The following DNAH7 variants were observed in gnomAD, a reference collection of about 807,000 sequenced individuals.
The protein encoded by DNAH7 is axonemal beta dynein heavy chain 7.
Under a neutral mutation model 444.6 loss-of-function variants are expected in DNAH7, and 397 were observed. The observed-to-expected ratio is 0.89, with a 90% CI of 0.82 to 0.97. DNAH7 has a LOEUF of 0.97. DNAH7 is among the 50% of genes least tolerant of loss of function. DNAH7 has a pLI of 0.00. For synonymous variants in DNAH7, 1,636 were observed against 1,624.4 expected (o/e 1.01, Z -0.17); for missense variants, 4,902 against 4,800.8 (o/e 1.02, Z -0.62).
At chr2:195,778,629 A>AAAT (rs1553518190) in intron 58 of DNAH7, among the ~76,000 whole-genome samples, 11 of 53,292 alleles carry the variant, frequency 2.1e-4, no homozygotes, top group East Asian at 7.5e-4. Context: ...AAAAAAAAAA[A>AAAT]AAATAAATAA....
intron 48 of DNAH7, among the ~76,000 whole-genome samples, chr2:195,826,130 G>A (rs2124923679): frequency 6.6e-6 from 1 of 152,136 alleles, no homozygotes; most frequent in South Asian, 2.1e-4. Context: ...ATGAACCTTT[G>A]TGTTCATCTC....
intron 63 of DNAH7, among the ~76,000 whole-genome samples, chr2:195,749,618 G>A (rs1247283300): frequency 2.6e-5 from 4 of 151,178 alleles, no homozygotes; most frequent in Non-Finnish European, 5.9e-5. Flanking sequence ...TTAAGAAAAT[G>A]TGGCACATAT....
rs887392219 is a variant in DNAH7, at chr2:196,016,607, T to C, written c.869+2563A>G. ...AGTCAGCAGAGGCCCCTGAAGTATGTAGAAGGTCAGAATATGTGTTAGAAA... is the reference window on the plus strand; with the variant it reads ...AGTCAGCAGAGGCCCCTGAAGTATGCAGAAGGTCAGAATATGTGTTAGAAA... On this transcript the variant is annotated intron_variant, in intron 9 of 64. Transcript: ENST00000312428. Among the ~76,000 whole-genome samples the C allele has an allele frequency of 3.9e-5, 6 of 152,168 alleles. No homozygotes were observed. The East Asian group carries it at 5.8e-4, about 15-fold the overall frequency.
intron 36 of DNAH7, among the ~76,000 whole-genome samples, 187 bp downstream of exon 36, chr2:195,881,608 T>C (rs941554478): frequency 2.6e-5 from 4 of 152,052 alleles, no homozygotes; most frequent in East Asian, 3.9e-4. Flanking sequence ...TGAAAATAAA[T>C]AGGCAATTAT....
intron 47 of DNAH7, among the ~76,000 whole-genome samples, chr2:195,837,585 T>C (rs1248321238): frequency 6.6e-6 from 1 of 152,068 alleles, no homozygotes; most frequent in Non-Finnish European, 1.5e-5. Flanking sequence ...TAACTCAAAA[T>C]AAGTAACTGA....
intron 23 of DNAH7, among the ~76,000 whole-genome samples, chr2:195,922,908 C>G (rs1688111122): frequency 6.6e-6 from 1 of 151,880 alleles, no homozygotes; most frequent in Admixed American, 6.6e-5. Flanking sequence ...GTCACCCAGG[C>G]TGGAGTGCAG....
intron 24 of DNAH7, among the ~76,000 whole-genome samples, chr2:195,912,026 T>C (rs1437645145): frequency 6.6e-6 from 1 of 152,220 alleles, no homozygotes; most frequent in African/African-American, 2.4e-5. Flanking sequence ...CTGAGAACAA[T>C]AAATACCATC....
rs200854477 is a variant in DNAH7 at position 195,900,282 on chromosome 2, C to T, written c.4548G>A (p.Lys1516=). 1.3e-5 allele frequency: 21 copies of T among 1,613,700 alleles called. No individual in the cohort carries two copies. The African/African-American group carries it at 2.8e-4, about 22-fold the overall frequency. Reference sequence around the variant, plus strand: ...AAGTAAGAAATATTGTGTTCTCTACCTTCAGATTCCCAGCAGCAGTAAGAA... The same window carrying T: ...AAGTAAGAAATATTGTGTTCTCTACTTTCAGATTCCCAGCAGCAGTAAGAA... ...KSVLTAAGNL[K]LKYPNENEEI... Residue 1516 remains lysine (K), a splice_region_variant and synonymous_variant, in exon 28 of 65, where the codon AAG becomes AAA. Coordinates refer to ENST00000312428, the MANE Select transcript of DNAH7 (RefSeq NM_018897.3).
At position 195,762,358 on chromosome 2, in the gene DNAH7, G is replaced by A. The variant is rs187492544; in HGVS notation, c.11434-6073C>T. ...GAAAACCAGAAAATAACAAAATGGC[G>A]GGAGTAAGTACTTACTTATCAATAA... On this transcript the variant is annotated intron_variant, in intron 61 of 64. Transcript: ENST00000312428. Among the ~76,000 whole-genome samples the A allele has an allele frequency of 7.9e-5, 12 of 152,072 alleles. No homozygotes were observed. In the East Asian group the frequency reaches 1.2e-3, roughly 15 times the overall value.
intron 44 of DNAH7, 56 bp from the exon 45 acceptor site, chr2:195,856,047 C>G: frequency 6.7e-7 from 1 of 1,499,300 alleles, no homozygotes; most frequent in East Asian, 2.3e-5. Flanking sequence ...AGTACACTTT[C>G]TATCACTGAA....
At chr2:196,055,913 T>A (rs2125878125) in intron 2 of DNAH7, among the ~76,000 whole-genome samples, 1 of 152,338 alleles carries the variant, frequency 6.6e-6, no homozygotes, top group Admixed American at 6.5e-5. Context: ...AGTCTCACCA[T>A]CACTCTAGGT....
intron 21 of DNAH7, among the ~76,000 whole-genome samples, chr2:195,928,213 T>C (rs532822901): frequency 2.4e-4 from 37 of 152,320 alleles, no homozygotes; most frequent in Middle Eastern, 6.8e-3. Flanking sequence ...TTTAGGATTA[T>C]GGACTCCAGC....
chr2:195,874,516 A>C (rs1700910492), intron 38 of DNAH7, among the ~76,000 whole-genome samples: 1 of 151,788 alleles, frequency 6.6e-6, no homozygotes, highest in Non-Finnish European at 1.5e-5. Flanking sequence ...TGGACATGTG[A>C]GTATAAATGC....
At chr2:195,914,484 T>C (rs1295514897) in intron 24 of DNAH7, among the ~76,000 whole-genome samples, 2 of 152,214 alleles carry the variant, frequency 1.3e-5, no homozygotes, top group African/African-American at 4.8e-5. Context: ...CCCTGTGCCA[T>C]ACAATTGGCA....
intron 10 of DNAH7, among the ~76,000 whole-genome samples, chr2:196,002,671 A>AGT (rs1314998777): frequency 1.3e-5 from 2 of 152,192 alleles, no homozygotes. Flanking sequence ...ATATGTGTTA[A>AGT]GTGTCTACTA....
At chr2:195,771,995 C>G in intron 60 of DNAH7, 105 bp from the exon 61 acceptor site, 1 of 924,112 alleles carries the variant, frequency 1.1e-6, no homozygotes, top group Non-Finnish European at 1.7e-6. Flanking sequence ...ACATTGCTCT[C>G]TATTTTATCC....
chr2:196,016,126 T>C (rs1308741336), intron 9 of DNAH7, among the ~76,000 whole-genome samples: 2 of 152,180 alleles, frequency 1.3e-5, no homozygotes, highest in Non-Finnish European at 2.9e-5. Context: ...TTTTCTTATC[T>C]CTTGCCTCCT....
At chr2:195,886,478 C>T (rs1701718685) in intron 33 of DNAH7, among the ~76,000 whole-genome samples, 1 of 152,072 alleles carries the variant, frequency 6.6e-6, no homozygotes, top group African/African-American at 2.4e-5. Context: ...TAACCTTTCG[C>T]ATCGATTCTC....
intron 15 of DNAH7, among the ~76,000 whole-genome samples, chr2:195,980,994 T>C (rs1362114053): frequency 6.6e-6 from 1 of 152,150 alleles, no homozygotes; most frequent in South Asian, 2.1e-4. Context: ...AAGTCCTAGC[T>C]AGAGCAATCA....
Sources: allele counts gnomAD v4.1 joint callset (sites outside exome capture counted in the v4.1 genomes callset), GRCh38; gene constraint gnomAD v4.1.1; transcripts MANE v1.5; gene names NCBI Gene and HGNC (gene_info 2026-07-23, HGNC 2026-07-21).